The following MRPS18A variants were observed in gnomAD, a reference collection of about 807,000 sequenced individuals.
MRPS18A encodes large ribosomal subunit protein mL66.
MRPS18A carries 20 observed loss-of-function variants against 22.7 expected under a neutral mutation model. The observed-to-expected ratio is 0.88, with a 90% confidence interval of 0.62 to 1.28. The LOEUF (loss-of-function observed/expected upper bound fraction) is 1.28. MRPS18A is among the 50% of genes most tolerant of loss of function. The probability of loss-of-function intolerance (pLI) is 0.00; values close to 1 mark genes in which losing one functional copy is unlikely to be tolerated. For missense variants in MRPS18A, 294 were observed against 262.6 expected, an observed-to-expected ratio of 1.12 and a Z score of -0.83; for synonymous variants, 106 against 99.1, an observed-to-expected ratio of 1.07 and a Z score of -0.41.
At position 43,671,861 on chromosome 6, in the gene MRPS18A, T is replaced by C. The variant is rs777005164; in HGVS notation, c.492A>G (p.Lys164=). The C allele has an allele frequency of 2.5e-6, 4 of 1,613,962 alleles. No individual in the cohort carries two copies. The Admixed American group carries it at 5.0e-5, about 20-fold the overall frequency. ...WAPGSVKPIY[K]KGPRWNRVRM... is the part of the protein sequence containing the mutation. ...GCACCCTGTTCCAGCGGGGGCCTTT[T>C]TTGTAGATGGGCTTGACGGAGCCAG... is the stretch of plus-strand genomic sequence containing the variant. Residue 164 remains lysine (K), a synonymous_variant, in exon 6 of 6, where the codon AAA becomes AAG. Transcript: ENST00000372133.
rs556039099 is a variant in MRPS18A at position 43,671,526 on chromosome 6, C to A, written c.*236G>T. The A allele has an allele frequency of 1.2e-5, 7 of 576,688 alleles. No individual in the cohort carries two copies. Among genetic ancestry groups the A allele is most frequent in the Non-Finnish European group, 2.2e-5 (7 of 323,856 alleles). The allele number at this position is 576,688 out of a possible 1,614,324, so 35.7% of individuals were successfully genotyped here. On this transcript the variant is annotated 3_prime_UTR_variant, in exon 6 of 6. Transcript: ENST00000372133. Reference sequence around the variant, plus strand: ...TCCCCAGCACTGAGCATGGCCTAAGCCCCATAGCAGCTGGCAAGGGACCCA... The same window carrying A: ...TCCCCAGCACTGAGCATGGCCTAAGACCCATAGCAGCTGGCAAGGGACCCA...
Position 43,671,643 on chromosome 6 carries a change from G to A in MRPS18A, c.*119C>T, listed in dbSNP as rs1582404544. 2.5e-6 allele frequency: 3 copies of A among 1,212,930 alleles called. No individual in the cohort carries two copies. Among genetic ancestry groups the A allele is most frequent in the Non-Finnish European group, 3.6e-6 (3 of 839,216 alleles). The allele number at this position is 1,212,930 out of a possible 1,614,324, so 75.1% of individuals were successfully genotyped here. ...CACTGTCCCCTGTCCATGCATGTTG[G>A]AGGGACCAGGCCATCGTGGTGGGGT... On this transcript the variant is annotated 3_prime_UTR_variant, in exon 6 of 6. Coordinates refer to ENST00000372133, the MANE Select transcript of MRPS18A (RefSeq NM_018135.4).
intron 1 of MRPS18A, among the ~76,000 whole-genome samples, chr6:43,681,522 T>G (rs950667328): frequency 3.9e-5 from 6 of 152,240 alleles, no homozygotes; most frequent in Non-Finnish European, 8.8e-5. Flanking sequence ...TGTGTGTTCC[T>G]GCACAAAGAG....
intron 1 of MRPS18A, 148 bp from the exon 2 acceptor site, chr6:43,681,268 G>C: frequency 2.3e-6 from 2 of 870,462 alleles, no homozygotes; most frequent in African/African-American, 1.7e-5. Flanking sequence ...AAAGCATGCA[G>C]GGTTCACCCC....
At chr6:43,681,485 A>G (rs1002747578) in intron 1 of MRPS18A, among the ~76,000 whole-genome samples, 5 of 152,376 alleles carry the variant, frequency 3.3e-5, no homozygotes, top group African/African-American at 1.2e-4. Flanking sequence ...AGTGGTATCT[A>G]AAAGACCTTC....
rs1229628342 is a variant in MRPS18A, at chr6:43,671,367, A to G, written c.*395T>C. On this transcript the variant is annotated 3_prime_UTR_variant, in exon 6 of 6. Transcript: ENST00000372133. The stretch of plus-strand genomic sequence containing the variant: ...ATTGACTCATTGGCCCCATCACAAG[A>G]GATCAGTGACTCAATGCTCAGCACC... The G allele has an allele frequency of 1.5e-5, 6 of 397,880 alleles. No homozygotes were observed. Among genetic ancestry groups the G allele is most frequent in the Admixed American group, 8.0e-5 (2 of 24,992 alleles). 24.6% of individuals were successfully genotyped at this position (397,880 alleles called of 1,614,324 possible). A position where few individuals can be genotyped will look rare whatever the true frequency, so the allele number is the denominator to read the frequency against.
At chr6:43,675,055 A>C in intron 5 of MRPS18A, 147 bp downstream of exon 5, 1 of 660,956 alleles carries the variant, frequency 1.5e-6, no homozygotes, top group South Asian at 3.3e-5. Context: ...TTGGCAAAGA[A>C]GGCAACAGAA....
rs1773681074 is a variant in MRPS18A at position 43,671,245 on chromosome 6, G to A, written c.*517C>T. ...TTGGATTCACACGAGAGCGGCAAGT[G>A]TGTCAGGCAGCCCACCTTGGCTCCC... is the stretch of plus-strand genomic sequence containing the variant. On this transcript the variant is annotated 3_prime_UTR_variant, in exon 6 of 6. Coordinates refer to ENST00000372133, the MANE Select transcript of MRPS18A (RefSeq NM_018135.4). 2 of 528,872 alleles carry A rather than the reference G, an allele frequency of 3.8e-6. No homozygotes were observed. Among genetic ancestry groups the A allele is most frequent in the Admixed American group, 3.2e-5 (1 of 31,354 alleles). 32.8% of individuals were successfully genotyped at this position (528,872 alleles called of 1,614,324 possible).
At position 43,678,324 on chromosome 6, in the gene MRPS18A, C is replaced by T. The variant is rs146665595; in HGVS notation, c.252+194G>A. ...GGAGGACCTGGTGGAGCCCATGCATCATTATTTTTTAAAAGCTCCCCAGGT... is the reference window on the plus strand; with the variant it reads ...GGAGGACCTGGTGGAGCCCATGCATTATTATTTTTTAAAAGCTCCCCAGGT... On this transcript the variant is annotated intron_variant, in intron 3 of 5. Transcript: ENST00000372133. The T allele has an allele frequency of 4.6e-4, 232 of 500,846 alleles. 1 individual carries two copies. In the East Asian group the frequency reaches 7.1e-3, roughly 15 times the overall value. 31.0% of individuals were successfully genotyped at this position (500,846 alleles called of 1,614,324 possible). A position where few individuals can be genotyped will look rare whatever the true frequency, so the allele number is the denominator to read the frequency against.
chr6:43,687,609 C>T, intron 1 of MRPS18A, 59 bp downstream of exon 1: 3 of 1,404,598 alleles, frequency 2.1e-6, no homozygotes, highest in Non-Finnish European at 3.0e-6. Flanking sequence ...CCGGGGCTGG[C>T]GGAAGCAGTC....
intron 5 of MRPS18A, 131 bp from the exon 6 acceptor site, chr6:43,672,037 G>A: frequency 1.8e-6 from 2 of 1,095,928 alleles, no homozygotes; most frequent in East Asian, 2.6e-5. Flanking sequence ...TCCCTTTCCT[G>A]AAGTGCAGGG....
chr6:43,686,657 T>A (rs1190970867), intron 1 of MRPS18A, among the ~76,000 whole-genome samples: 1 of 152,208 alleles, frequency 6.6e-6, no homozygotes, highest in African/African-American at 2.4e-5. Context: ...CTGACAACAA[T>A]GATCACTCTT....
intron 1 of MRPS18A, among the ~76,000 whole-genome samples, chr6:43,687,212 G>C (rs1774754462): frequency 6.6e-6 from 1 of 152,154 alleles, no homozygotes; most frequent in African/African-American, 2.4e-5. Context: ...GAGACTAGCG[G>C]CCCGGGGCAG....
chr6:43,679,277 C>A (rs1270655647), intron 2 of MRPS18A, among the ~76,000 whole-genome samples: 2 of 152,164 alleles, frequency 1.3e-5, no homozygotes, highest in East Asian at 3.8e-4. Flanking sequence ...ACAGGACAGC[C>A]CTCACAACAA....
chr6:43,685,989 G>A lies in MRPS18A; in HGVS notation c.112+1679C>T, dbSNP rs576502641. On this transcript the variant is annotated intron_variant, in intron 1 of 5. Transcript: ENST00000372133. ...ATCCTTTTTTACTTTTTTTAAAGAG[G>A]TGGGCGTTCTCACTACGTTGCCCAG... Among the ~76,000 whole-genome samples the A allele has an allele frequency of 5.3e-5, 8 of 152,090 alleles. No individual in the cohort carries two copies. In the East Asian group the frequency reaches 9.6e-4, roughly 18 times the overall value.
chr6:43,685,826 A>G (rs1334602), intron 1 of MRPS18A, among the ~76,000 whole-genome samples: 9,144 of 152,314 alleles, frequency 0.06, 337 homozygotes, highest in South Asian at 0.1. Flanking sequence ...CTAGCAAAAG[A>G]AAATGTTTTC....
chr6:43,687,725 G>C lies in MRPS18A; in HGVS notation c.55C>G (p.Leu19Val). 1 of 1,588,558 alleles carries C rather than the reference G, an allele frequency of 6.3e-7. No individual in the cohort carries two copies. Among genetic ancestry groups the C allele is most frequent in the Non-Finnish European group, 8.6e-7 (1 of 1,167,732 alleles). The part of the protein sequence containing the change: ...SGCGRLLRGL[L>V]AGPAATSWSR... ...CAGCTGGTCGCTGCCGGGCCCGCTAGTAGCCCACGGAGAAGCCGCCCACAG... is the reference window on the plus strand; with the variant it reads ...CAGCTGGTCGCTGCCGGGCCCGCTACTAGCCCACGGAGAAGCCGCCCACAG... Residue 19 changes from leucine (L) to valine (V), a missense_variant, in exon 1 of 6, where the codon CTA (leucine) becomes GTA (valine). Physicochemically the swap from Leu to Val is conservative, Grantham distance 32. Coordinates refer to ENST00000372133, the MANE Select transcript of MRPS18A (RefSeq NM_018135.4).
intron 1 of MRPS18A, among the ~76,000 whole-genome samples, chr6:43,682,755 G>A (rs1774486599): frequency 6.6e-6 from 1 of 152,204 alleles, no homozygotes. Flanking sequence ...GCAGAGGGAA[G>A]GTCACTGCAA....
At chr6:43,675,764 G>T in intron 3 of MRPS18A, 147 bp from the exon 4 acceptor site, 1 of 902,440 alleles carries the variant, frequency 1.1e-6, no homozygotes, top group Non-Finnish European at 1.6e-6. Flanking sequence ...TTGCACATGG[G>T]TCTGCTACCT....
Sources: gnomAD v4.1 joint callset for allele counts (sites outside exome capture counted in the v4.1 genomes callset) on GRCh38, gnomAD v4.1.1 for gene constraint, MANE v1.5 for transcripts, NCBI Gene and HGNC (gene_info 2026-07-23, HGNC 2026-07-21) for gene names.